Variants in SLC35F4 observed in about 807,000 individuals in gnomAD.
SLC35F4 encodes chromosome 14 open reading frame 36.
In SLC35F4, 24 loss-of-function variants were observed where a neutral mutation model predicts 44.2. The observed-to-expected ratio is 0.54, with a 90% confidence interval of 0.39 to 0.76. The LOEUF is 0.76. Among genes scored for constraint, SLC35F4 ranks in the 30% least tolerant of loss-of-function variants. The probability of loss-of-function intolerance (pLI) is 0.00; values close to 1 mark genes in which losing one functional copy is unlikely to be tolerated. For synonymous variants in SLC35F4, 238 were observed against 223.6 expected, an observed-to-expected ratio of 1.06 and a Z score of -0.57; for missense variants, 562 against 586.1, an observed-to-expected ratio of 0.96 and a Z score of 0.42.
chr14:57,714,114 G>A (rs1397040589), intron 1 of SLC35F4, among the ~76,000 whole-genome samples: 2 of 152,138 alleles, frequency 1.3e-5, no homozygotes, highest in African/African-American at 4.8e-5. Flanking sequence ...CATGTGAAAG[G>A]AGAAATGCCT....
rs151044177 is a variant in SLC35F4 at position 57,858,039 on chromosome 14, G to A, written c.103+7684C>T. ...AAAAAGTTGGGAAACAACAGGTGCTGGAGAGGATGTGGAGAAATAGGAACA... is the reference window on the plus strand; with the variant it reads ...AAAAAGTTGGGAAACAACAGGTGCTAGAGAGGATGTGGAGAAATAGGAACA... On this transcript the variant is annotated intron_variant, in intron 1 of 7. Coordinates refer to ENST00000556826, the MANE Select transcript of SLC35F4 (RefSeq NM_001306087.2). 1.6e-3 allele frequency among the ~76,000 whole-genome samples: 246 copies of A among 152,150 alleles called. 3 individuals carry two copies. Among genetic ancestry groups the A allele is most frequent in the African/African-American group, 5.7e-3 (236 of 41,394 alleles).
At chr14:57,803,181 T>C (rs770776873) in intron 1 of SLC35F4, among the ~76,000 whole-genome samples, 2 of 152,080 alleles carry the variant, frequency 1.3e-5, no homozygotes, top group African/African-American at 4.8e-5. Context: ...ATTCATCATA[T>C]AAACATAACT....
intron 1 of SLC35F4, among the ~76,000 whole-genome samples, chr14:57,942,969 GCA>G (rs779869803): frequency 6.6e-6 from 1 of 152,188 alleles, no homozygotes; most frequent in Non-Finnish European, 1.5e-5. Flanking sequence ...CTTAGTAAAA[GCA>G]CAGACTAGGC....
intron 1 of SLC35F4, among the ~76,000 whole-genome samples, chr14:57,805,571 AGAACACAT>A (rs1481401927): frequency 6.6e-6 from 1 of 152,212 alleles, no homozygotes; most frequent in Non-Finnish European, 1.5e-5. Flanking sequence ...CTGAATGATG[AGAACACAT>A]GAACACATGG....
At chr14:57,696,370 C>T (rs144803731) in intron 1 of SLC35F4, among the ~76,000 whole-genome samples, 2 of 152,130 alleles carry the variant, frequency 1.3e-5, no homozygotes, top group African/African-American at 4.8e-5. Context: ...CAATGAGATA[C>T]CATCTCACAC....
intron 1 of SLC35F4, among the ~76,000 whole-genome samples, chr14:57,964,647 C>T (rs543687185): frequency 6.6e-6 from 1 of 152,006 alleles, no homozygotes; most frequent in African/African-American, 2.4e-5. Context: ...TTTTTATTCT[C>T]TGTGGGAGGA....
intron 1 of SLC35F4, among the ~76,000 whole-genome samples, chr14:57,712,161 G>A (rs918805140): frequency 6.6e-6 from 1 of 152,140 alleles, no homozygotes; most frequent in Non-Finnish European, 1.5e-5. Flanking sequence ...TATTAGCCAG[G>A]GTCTAGCATT....
intron 4 of SLC35F4, among the ~76,000 whole-genome samples, chr14:57,573,127 T>C (rs1310666307): frequency 6.6e-6 from 1 of 152,170 alleles, no homozygotes; most frequent in East Asian, 1.9e-4. Flanking sequence ...TTGAACACTA[T>C]TAGTGAATTG....
intron 1 of SLC35F4, among the ~76,000 whole-genome samples, chr14:57,755,924 A>G (rs1174840865): frequency 1.3e-5 from 2 of 152,182 alleles, no homozygotes; most frequent in Non-Finnish European, 2.9e-5. Context: ...CTCTTCTATC[A>G]TACCACGCCA....
downstream of SLC35F4, among the ~76,000 whole-genome samples, chr14:57,971,815 T>G (rs565948332): frequency 5.9e-5 from 9 of 152,340 alleles, no homozygotes; most frequent in Non-Finnish European, 1.3e-4. Context: ...GCATCTAATG[T>G]GAGCATGGTG....
intron 1 of SLC35F4, among the ~76,000 whole-genome samples, chr14:57,605,733 TA>T (rs879552396): frequency 1.3e-3 from 194 of 143,732 alleles, no homozygotes; most frequent in Admixed American, 1.2e-3. Flanking sequence ...GGGTTGGATT[TA>T]AAAAAAAAAA....
At chr14:57,604,814 C>A (rs570678774) in intron 1 of SLC35F4, among the ~76,000 whole-genome samples, 9 of 152,264 alleles carry the variant, frequency 5.9e-5, no homozygotes, top group African/African-American at 2.2e-4. Context: ...ACATCTACAA[C>A]CATCTGATCT....
chr14:57,834,671 A>G (rs916192366), intron 1 of SLC35F4, among the ~76,000 whole-genome samples: 1 of 152,224 alleles, frequency 6.6e-6, no homozygotes, highest in African/African-American at 2.4e-5. Context: ...GAACAATGTT[A>G]TTTTTAGATC....
intron 1 of SLC35F4, among the ~76,000 whole-genome samples, chr14:57,875,235 A>G (rs1265046176): frequency 2.6e-5 from 4 of 152,210 alleles, no homozygotes; most frequent in Non-Finnish European, 5.9e-5. Flanking sequence ...TAAAGAAATC[A>G]TCAGCTGGGC....
intron 1 of SLC35F4, among the ~76,000 whole-genome samples, chr14:57,617,830 C>T (rs530209490): frequency 6.6e-6 from 1 of 152,320 alleles, no homozygotes; most frequent in East Asian, 1.9e-4. Context: ...GAACCTGGGA[C>T]TTACTGAATG....
chr14:57,943,675 T>C (rs538305166), intron 1 of SLC35F4, among the ~76,000 whole-genome samples: 6 of 152,340 alleles, frequency 3.9e-5, no homozygotes, highest in African/African-American at 1.4e-4. Context: ...CCAGCCCCGA[T>C]GTCTGCACGG....
chr14:57,717,280 G>A (rs1187332213), intron 1 of SLC35F4, among the ~76,000 whole-genome samples: 1 of 151,994 alleles, frequency 6.6e-6, no homozygotes, highest in African/African-American at 2.4e-5. Context: ...AGTTTTTTGA[G>A]GATCCTCATA....
chr14:57,811,776 T>G (rs1881995669), intron 1 of SLC35F4, among the ~76,000 whole-genome samples: 1 of 152,062 alleles, frequency 6.6e-6, no homozygotes, highest in South Asian at 2.1e-4. Context: ...AATAATAAGT[T>G]TGAGACTAGC....
Position 57,673,281 on chromosome 14 carries a change from T to C in SLC35F4, c.104-79157A>G, listed in dbSNP as rs372542821. Among the ~76,000 whole-genome samples the C allele has an allele frequency of 3.4e-4, 51 of 152,206 alleles. No individual in the cohort carries two copies. In the South Asian group the frequency reaches 8.9e-3, roughly 27 times the overall value. The stretch of plus-strand genomic sequence containing the variant: ...ACGGTACTGATGTCAAGCAAGACTA[T>C]TGAAGAGTGTAGTAGTGTCAGGGTT... On this transcript the variant is annotated intron_variant, in intron 1 of 7. Transcript: ENST00000556826.
Sources: gnomAD v4.1 joint callset for allele counts (sites outside exome capture counted in the v4.1 genomes callset) on GRCh38, gnomAD v4.1.1 for gene constraint, MANE v1.5 for transcripts, NCBI Gene and HGNC (gene_info 2026-07-23, HGNC 2026-07-21) for gene names.